Variants in C1orf159 observed in about 807,000 individuals in gnomAD.
C1orf159 encodes chromosome 1 open reading frame 159, also known as uncharacterized protein C1orf159.
In C1orf159, 19 loss-of-function variants were observed where a neutral mutation model predicts 25.6. The ratio of observed to expected loss-of-function variants is 0.74; its 90% CI spans 0.52 to 1.09. C1orf159 has a LOEUF of 1.09. Ranked by LOEUF, C1orf159 falls within the 50% of genes least tolerant of loss-of-function variation. The pLI is 0.00. For synonymous variants in C1orf159, 139 were observed against 124.7 expected, an observed-to-expected ratio of 1.12 and a Z score of -0.77; for missense variants, 274 against 290.6, an observed-to-expected ratio of 0.94 and a Z score of 0.42.
chr1:1,084,528 G>A (rs1645798606), intron 7 of C1orf159, 22 bp from the exon 8 acceptor site: 1 of 1,550,700 alleles, frequency 6.4e-7, no homozygotes, highest in Non-Finnish European at 8.7e-7. Context: ...AAAGCGGAGA[G>A]TCACCCTGGA....
chr1:1,096,365 A>G (rs1646009344), intron 1 of C1orf159, among the ~76,000 whole-genome samples: 1 of 151,876 alleles, frequency 6.6e-6, no homozygotes, highest in East Asian at 1.9e-4. Flanking sequence ...ACAGGGTCTC[A>G]CTATATTGTC....
intron 1 of C1orf159, among the ~76,000 whole-genome samples, chr1:1,107,795 T>C (rs1261868046): frequency 6.6e-6 from 1 of 152,218 alleles, no homozygotes; most frequent in Non-Finnish European, 1.5e-5. Flanking sequence ...GCAATAAATC[T>C]TGCTGCTGCT....
At position 1,082,674 on chromosome 1, in the gene C1orf159, T is replaced by C. The variant is rs924888855; in HGVS notation, c.*219A>G. 2 of 579,590 alleles carry C rather than the reference T, an allele frequency of 3.5e-6. No homozygotes were observed. The highest frequency in any genetic ancestry group is 3.1e-6 in the Non-Finnish European group (1 of 322,634). 35.9% of individuals were successfully genotyped at this position (579,590 alleles called of 1,614,324 possible). On this transcript the variant is annotated 3_prime_UTR_variant, in exon 10 of 10. Transcript: ENST00000421241. ...GCTCTGAGGTCTCATGGATGCCTGC[T>C]CCTGGTCCGATAAACGAGATGGCTG...
At chr1:1,104,170 G>A (rs1646139681) in intron 1 of C1orf159, among the ~76,000 whole-genome samples, 1 of 151,928 alleles carries the variant, frequency 6.6e-6, no homozygotes, top group Non-Finnish European at 1.5e-5. Context: ...TGTATTTTTA[G>A]TAGAGACGGG....
At chr1:1,114,106 G>A (rs753662255) in intron 1 of C1orf159, among the ~76,000 whole-genome samples, 22 of 151,868 alleles carry the variant, frequency 1.4e-4, no homozygotes, top group Non-Finnish European at 1.8e-4. Context: ...TATCAGAGAC[G>A]GGGTTTCACC....
At chr1:1,085,663 T>C (rs1411419966) in intron 7 of C1orf159, among the ~76,000 whole-genome samples, 2 of 152,200 alleles carry the variant, frequency 1.3e-5, no homozygotes, top group African/African-American at 4.8e-5. Context: ...GAAGGCCCCT[T>C]GGTGCTTCGA....
At chr1:1,112,970 T>C (rs527649207) in intron 1 of C1orf159, among the ~76,000 whole-genome samples, 142 of 152,110 alleles carry the variant, frequency 9.3e-4, no homozygotes, top group African/African-American at 3.2e-3. Context: ...CTGAGGTGGG[T>C]GGATCATCTG....
At chr1:1,091,102 G>C in intron 3 of C1orf159, 2 of 841,042 alleles carry the variant, frequency 2.4e-6, no homozygotes, top group Non-Finnish European at 3.7e-6. Context: ...GACAGTGAGG[G>C]GTCCCCACCC....
At chr1:1,111,911 T>C (rs1238259244) in intron 1 of C1orf159, among the ~76,000 whole-genome samples, 1 of 152,240 alleles carries the variant, frequency 6.6e-6, no homozygotes, top group African/African-American at 2.4e-5. Flanking sequence ...AAGATCCCTC[T>C]CGTGCTTTGA....
intron 9 of C1orf159, chr1:1,083,953 A>G (rs781236074): frequency 1.2e-6 from 2 of 1,601,744 alleles, no homozygotes; most frequent in Non-Finnish European, 1.7e-6. Context: ...AGCACCACTG[A>G]AGCGATGGCT....
intron 1 of C1orf159, among the ~76,000 whole-genome samples, chr1:1,096,693 T>A (rs1219658323): frequency 6.6e-6 from 1 of 152,204 alleles, no homozygotes; most frequent in African/African-American, 2.4e-5. Flanking sequence ...TGCATTGAAA[T>A]TGCTACATTT....
intron 1 of C1orf159, among the ~76,000 whole-genome samples, chr1:1,099,549 T>C (rs202164840): frequency 6.7e-4 from 55 of 81,798 alleles, no homozygotes; most frequent in African/African-American, 5.4e-3. Flanking sequence ...TTCTAAGAAA[T>C]GGAGAGAGAG....
At chr1:1,090,562 C>A in intron 3 of C1orf159, 134 bp from the exon 4 acceptor site, 2 of 959,642 alleles carry the variant, frequency 2.1e-6, no homozygotes, top group Non-Finnish European at 3.2e-6. Context: ...GAGTCAGCAT[C>A]GGGTGGCCCT....
intron 1 of C1orf159, among the ~76,000 whole-genome samples, chr1:1,093,648 C>G (rs12131891): frequency 6.6e-6 from 1 of 152,244 alleles, no homozygotes; most frequent in South Asian, 2.1e-4. Context: ...TTTCCACAGT[C>G]GGAGGATTTT....
intron 4 of C1orf159, among the ~76,000 whole-genome samples, chr1:1,088,747 C>A (rs953355193): frequency 6.6e-6 from 1 of 152,286 alleles, no homozygotes. Context: ...CACGCCTCGA[C>A]CCTTCCTCAC....
rs1348968734 is a variant in C1orf159, at chr1:1,110,239, C to T, written c.-136+5821G>A. ...GGCAGTATAACCAGGTGTGTCCAAC[C>T]TCCCATCCTTTTATGGCCGGAAACT... On this transcript the variant is annotated intron_variant, in intron 1 of 9. Coordinates refer to ENST00000421241, the MANE Select transcript of C1orf159 (RefSeq NM_017891.5). This position sits in a 1 kb window ranked among gnomAD's most constrained non-coding sequence, Gnocchi z 4.8. Among the ~76,000 whole-genome samples, 1 of 152,198 alleles carries T rather than the reference C, an allele frequency of 6.6e-6. No homozygotes were observed. The highest frequency in any genetic ancestry group is 1.5e-5 in the Non-Finnish European group (1 of 68,034).
At position 1,084,510 on chromosome 1, in the gene C1orf159, T is replaced by C; in HGVS notation, c.446-4A>G. 1.3e-6 allele frequency: 2 copies of C among 1,553,254 alleles called. No individual in the cohort carries two copies. Among genetic ancestry groups the C allele is most frequent in the Non-Finnish European group, 1.7e-6 (2 of 1,148,718 alleles). On this transcript the variant is annotated splice_region_variant and splice_polypyrimidine_tract_variant and intron_variant, in intron 7 of 9. Transcript: ENST00000421241. ...TCGCCAGGCTGCAGGGCCGGAGCTGTGGGGGAGAAAGCGGAGAGTCACCCT... is the reference window on the plus strand; with the variant it reads ...TCGCCAGGCTGCAGGGCCGGAGCTGCGGGGGAGAAAGCGGAGAGTCACCCT...
intron 1 of C1orf159, among the ~76,000 whole-genome samples, chr1:1,103,013 T>C (rs1404340616): frequency 1.3e-5 from 2 of 151,668 alleles, no homozygotes; most frequent in Non-Finnish European, 2.9e-5. Flanking sequence ...TTGTTGCTGT[T>C]TGTATTTTTA....
At chr1:1,091,118 C>T in intron 3 of C1orf159, 1 of 699,450 alleles carries the variant, frequency 1.4e-6, no homozygotes. Flanking sequence ...CACCCTCCAC[C>T]CGCTCCGCCT....
Sources: allele counts gnomAD v4.1 joint callset (sites outside exome capture counted in the v4.1 genomes callset), GRCh38; gene constraint gnomAD v4.1.1; non-coding constraint Gnocchi (gnomAD v3.1); transcripts MANE v1.5; gene names NCBI Gene and HGNC (gene_info 2026-07-23, HGNC 2026-07-21).